The following HHAT variants were observed in gnomAD, a reference collection of about 807,000 sequenced individuals.
HHAT encodes the protein protein-cysteine N-palmitoyltransferase HHAT.
A neutral mutation model predicts 70.8 loss-of-function variants in HHAT; 47 were observed. The observed-to-expected ratio is 0.66, with a 90% CI of 0.53 to 0.85. The LOEUF is 0.85. HHAT is among the 40% of genes least tolerant of loss of function. HHAT has a pLI of 0.00. For missense variants in HHAT, 609 were observed against 604.8 expected, an observed-to-expected ratio of 1.01 and a Z score of -0.07; for synonymous variants, 228 against 247.6, an observed-to-expected ratio of 0.92 and a Z score of 0.74.
intron 10 of HHAT, among the ~76,000 whole-genome samples, chr1:210,621,287 G>A (rs1668776721): frequency 6.6e-6 from 1 of 152,148 alleles, no homozygotes; most frequent in Non-Finnish European, 1.5e-5. Context: ...GGGCCTTTGT[G>A]TTCCCTTCTC....
chr1:210,366,034 G>A (rs969161822), intron 3 of HHAT, among the ~76,000 whole-genome samples: 7 of 151,782 alleles, frequency 4.6e-5, no homozygotes, highest in African/African-American at 1.5e-4. Flanking sequence ...AGGCTCAAAC[G>A]ATCCTTCTGC....
intron 9 of HHAT, among the ~76,000 whole-genome samples, chr1:210,515,120 A>G (rs941956785): frequency 6.6e-6 from 1 of 152,148 alleles, no homozygotes; most frequent in Admixed American, 6.5e-5. Context: ...GCTTCTCTCT[A>G]CCTTGCTGTG....
intron 10 of HHAT, among the ~76,000 whole-genome samples, chr1:210,619,577 A>G (rs1033069910): frequency 2.8e-4 from 43 of 152,098 alleles, no homozygotes; most frequent in Non-Finnish European, 7.4e-5. Flanking sequence ...GGGGAGAACA[A>G]TTCGCCCTTT....
chr1:210,652,719 C>G (rs1429885317), intron 11 of HHAT, among the ~76,000 whole-genome samples: 1 of 152,126 alleles, frequency 6.6e-6, no homozygotes, highest in Non-Finnish European at 1.5e-5. Context: ...GGAAAGGGTA[C>G]AGAGAGTTCT....
intron 9 of HHAT, among the ~76,000 whole-genome samples, chr1:210,544,203 C>T (rs1212334780): frequency 2.0e-5 from 3 of 150,616 alleles, no homozygotes; most frequent in African/African-American, 4.9e-5. Flanking sequence ...CTCTAGGCAT[C>T]GCCACTGGGA....
chr1:210,441,118 G>T (rs2093497358), intron 7 of HHAT, among the ~76,000 whole-genome samples: 1 of 152,210 alleles, frequency 6.6e-6, no homozygotes, highest in African/African-American at 2.4e-5. Flanking sequence ...TGCCACTAGA[G>T]TGTGCTTGTC....
At chr1:210,363,907 C>A (rs1032030342) in intron 3 of HHAT, among the ~76,000 whole-genome samples, 6 of 152,172 alleles carry the variant, frequency 3.9e-5, no homozygotes, top group Admixed American at 2.0e-4. Flanking sequence ...TGAACTTTTG[C>A]AAGACAGTTC....
intron 8 of HHAT, among the ~76,000 whole-genome samples, chr1:210,488,034 C>T (rs1029254567): frequency 3.3e-5 from 5 of 152,156 alleles, no homozygotes; most frequent in Non-Finnish European, 7.4e-5. Context: ...GATTCCCATG[C>T]ATCTGTATGT....
intron 6 of HHAT, among the ~76,000 whole-genome samples, chr1:210,413,404 C>T (rs897863539): frequency 6.6e-6 from 1 of 152,210 alleles, no homozygotes; most frequent in African/African-American, 2.4e-5. Context: ...CTCTCCTGAA[C>T]AGGCTTTCTC....
chr1:210,386,883 G>A lies in HHAT; in HGVS notation c.160-585G>A, dbSNP rs1198385976. ...AGAGCTTCTTGGGGGGAAGGGAAGT[G>A]TACCTTTCATTCCTTCATTATAAAT... On this transcript the variant is annotated intron_variant, in intron 3 of 11. Coordinates refer to ENST00000261458, the MANE Select transcript of HHAT (RefSeq NM_018194.6). Among the ~76,000 whole-genome samples the A allele has an allele frequency of 3.9e-5, 6 of 152,270 alleles. No individual in the cohort carries two copies. The East Asian group carries it at 1.2e-3, about 29-fold the overall frequency.
intron 4 of HHAT, among the ~76,000 whole-genome samples, chr1:210,391,156 A>G (rs2091433893): frequency 1.3e-5 from 2 of 152,226 alleles, no homozygotes; most frequent in African/African-American, 4.8e-5. Flanking sequence ...ATTTACACCA[A>G]TATCTATTGT....
At chr1:210,347,167 T>C in intron 1 of HHAT, among the ~76,000 whole-genome samples, 2 of 152,170 alleles carry the variant, frequency 1.3e-5, no homozygotes, top group East Asian at 3.9e-4. Flanking sequence ...TCTTCCCCAC[T>C]TCCCCCGCCC....
At chr1:210,573,784 G>A (rs1401108654) in intron 9 of HHAT, among the ~76,000 whole-genome samples, 1 of 152,110 alleles carries the variant, frequency 6.6e-6, no homozygotes, top group Non-Finnish European at 1.5e-5. Flanking sequence ...AAACCCCACA[G>A]CACTTTAGAG....
At chr1:210,445,385 C>T (rs938915529) in intron 7 of HHAT, among the ~76,000 whole-genome samples, 3 of 152,024 alleles carry the variant, frequency 2.0e-5, no homozygotes, top group South Asian at 2.1e-4. Context: ...GAAAGCTTAC[C>T]GTATTATGAA....
chr1:210,406,929 C>T (rs2092354455), intron 6 of HHAT, among the ~76,000 whole-genome samples: 1 of 152,030 alleles, frequency 6.6e-6, no homozygotes, highest in African/African-American at 2.4e-5. Flanking sequence ...TTTTTTAACC[C>T]CTTCTAAAAC....
At chr1:210,416,068 C>T (rs1345736029) in intron 6 of HHAT, among the ~76,000 whole-genome samples, 16 of 152,254 alleles carry the variant, frequency 1.1e-4, no homozygotes, top group African/African-American at 3.4e-4. Flanking sequence ...GCCAATGAGC[C>T]GACCAAAATT....
At chr1:210,567,484 GCAGTC>G (rs1363609111) in intron 9 of HHAT, among the ~76,000 whole-genome samples, 1 of 152,150 alleles carries the variant, frequency 6.6e-6, no homozygotes, top group Non-Finnish European at 1.5e-5. Flanking sequence ...TTCACAGTGA[GCAGTC>G]TTCATTTATC....
At chr1:210,528,392 A>G (rs1406552381) in intron 9 of HHAT, among the ~76,000 whole-genome samples, 2 of 152,202 alleles carry the variant, frequency 1.3e-5, no homozygotes, top group Non-Finnish European at 2.9e-5. Flanking sequence ...AGGCTGGTAG[A>G]TTGTCCATGG....
At chr1:210,474,854 T>G (rs2094277912) in intron 8 of HHAT, among the ~76,000 whole-genome samples, 1 of 151,586 alleles carries the variant, frequency 6.6e-6, no homozygotes. Flanking sequence ...TTTGTTTGTT[T>G]GTTTGTTTGT....
Sources: allele counts gnomAD v4.1 joint callset (sites outside exome capture counted in the v4.1 genomes callset), GRCh38; gene constraint gnomAD v4.1.1; transcripts MANE v1.5; gene names NCBI Gene and HGNC (gene_info 2026-07-23, HGNC 2026-07-21).